Variants in DNM1 observed in about 807,000 individuals in gnomAD.
DNM1 encodes dynamin 1.
DNM1 carries 29 observed loss-of-function variants against 104.6 expected under a neutral mutation model. The observed-to-expected ratio is 0.28, with a 90% CI of 0.21 to 0.38. The LOEUF is 0.38. Among genes scored for constraint, DNM1 ranks in the 10% least tolerant of loss-of-function variants. The probability of loss-of-function intolerance (pLI) is 1.00; values close to 1 mark genes in which losing one functional copy is unlikely to be tolerated. For synonymous variants in DNM1, 445 were observed against 475.8 expected (o/e 0.94, Z 0.84); for missense variants, 640 against 1,189.4 (o/e 0.54, Z 6.79).
chr9:128,228,043 G>T (rs906758148), intron 10 of DNM1, among the ~76,000 whole-genome samples: 4 of 151,054 alleles, frequency 2.6e-5, no homozygotes, highest in Admixed American at 6.6e-5. Flanking sequence ...TTGTTTGTTT[G>T]TTTTTGGTTT....
rs1230717068 is a variant in DNM1 at position 128,248,258 on chromosome 9, A to C, written c.1905+323A>C. On this transcript the variant is annotated intron_variant, in intron 18 of 21. Coordinates refer to ENST00000372923, the MANE Select transcript of DNM1 (RefSeq NM_004408.4). This position sits in a 1 kb window ranked among gnomAD's most constrained non-coding sequence, Gnocchi z 5.6. ...AGGAGAATCGCTTGAACCCAGGAGG[A>C]GGTTGCAATGAGCCAATACAGCACC... The C allele has an allele frequency of 4.0e-6, 2 of 502,822 alleles. No individual in the cohort carries two copies. Among genetic ancestry groups the C allele is most frequent in the Non-Finnish European group, 7.2e-6 (2 of 279,014 alleles). 31.1% of individuals were successfully genotyped at this position (502,822 alleles called of 1,614,324 possible).
intron 10 of DNM1, among the ~76,000 whole-genome samples, chr9:128,227,926 A>C (rs1835442830): frequency 6.6e-6 from 1 of 151,964 alleles, no homozygotes; most frequent in African/African-American, 2.4e-5. Context: ...ATCATAGCTC[A>C]CTGTAGGCTC....
chr9:128,248,664 C>T lies in DNM1; in HGVS notation c.1987C>T (p.Arg663Trp), dbSNP rs777360250. ...PQLERQVETI[R>W]NLVDSYMAIV... is the part of the protein sequence containing the mutation. ...GCTGGAACGGCAAGTGGAGACCATC[C>T]GGAATCTTGTGGACTCATACATGGC... Residue 663 changes from arginine to tryptophan, a missense_variant, in exon 19 of 22, where the codon CGG (arginine) becomes TGG (tryptophan). Arg to Trp is a moderately radical substitution (Grantham distance 101). Around this residue, in one of 7 missense-constraint regions of DNM1, gnomAD observed 91 missense variants for 256.3 expected, o/e 0.36. Coordinates refer to ENST00000372923, the MANE Select transcript of DNM1 (RefSeq NM_004408.4). The surrounding 1 kb of genome is among the most constrained non-coding windows in gnomAD (Gnocchi z 5.6). 10 of 1,614,018 alleles carry T rather than the reference C, an allele frequency of 6.2e-6. No homozygotes were observed. The highest frequency in any genetic ancestry group is 4.5e-5 in the East Asian group (2 of 44,872).
At chr9:128,249,652 G>A (rs1254559551) in intron 19 of DNM1, among the ~76,000 whole-genome samples, 3 of 137,736 alleles carry the variant, frequency 2.2e-5, no homozygotes, top group Non-Finnish European at 4.6e-5. Flanking sequence ...GTGAAACTCC[G>A]TCTCAAAAAA....
Position 128,234,127 on chromosome 9 carries a change from G to T in DNM1, c.1422+20G>T. On this transcript the variant is annotated intron_variant, in intron 11 of 21. Transcript: ENST00000372923. ...GAGCAGGTGAGCCCCGCAGCACCCG[G>T]CCTGGCCGCGCCTTCCTTCCACTCC... 6.7e-7 allele frequency: 1 copy of T among 1,502,886 alleles called. No homozygotes were observed. The allele number at this position is 1,502,886 out of a possible 1,614,324, so 93.1% of individuals were successfully genotyped here.
At position 128,218,609 on chromosome 9, in the gene DNM1, G is replaced by C. The variant is rs200251552; in HGVS notation, c.263G>C (p.Gly88Ala). The change falls in exon 3 of 22, where the codon GGA becomes GCA. Residue 88 changes from glycine (G) to alanine (A), a missense_variant. Transcript: ENST00000372923. This position sits in a 1 kb window ranked among gnomAD's most constrained non-coding sequence, Gnocchi z 4.8. ...TATGCCGAGTTCCTGCACTGCAAGG[G>C]AAAGAAATTCACCGACTTCGAGGAG... ...TEYAEFLHCK[G>A]KKFTDFEEVR... The C allele has an allele frequency of 2.2e-5, 36 of 1,613,434 alleles. No homozygotes were observed. The East Asian group carries it at 2.9e-4, about 13-fold the overall frequency.
chr9:128,226,023 C>T lies in DNM1; in HGVS notation c.1335+1634C>T, dbSNP rs377716564. The T allele has an allele frequency of 5.8e-5, 93 of 1,611,854 alleles. No homozygotes were observed. In the African/African-American group the frequency reaches 1.0e-3, roughly 18 times the overall value. ...GCTCCTCCTCCTGTCCCCACCTCCT[C>T]CCCGGGTGCAGGACGGGCCTCTTCA... On this transcript the variant is annotated intron_variant, in intron 10 of 21. Coordinates refer to ENST00000372923, the MANE Select transcript of DNM1 (RefSeq NM_004408.4).
chr9:128,234,036 C>T lies in DNM1; in HGVS notation c.1351C>T (p.Arg451Trp), dbSNP rs1322707318. The T allele has an allele frequency of 2.5e-6, 4 of 1,572,268 alleles. No individual in the cohort carries two copies. The highest frequency in any genetic ancestry group is 2.6e-6 in the Non-Finnish European group (3 of 1,159,462). ...CCTTCCCCAGCTCCAGCAGTACCCG[C>T]GGCTACGGGAGGAGATGGAGCGCAT... ...QCTKKLQQYP[R>W]LREEMERIVT... is the part of the protein sequence containing the mutation. The change falls in exon 11 of 22, where the codon CGG (arginine) becomes TGG (tryptophan). Residue 451 changes from arginine (R) to tryptophan (W), a missense_variant. Transcript: ENST00000372923.
At position 128,220,744 on chromosome 9, in the gene DNM1, T is replaced by C. The variant is rs796369494; in HGVS notation, c.849+403T>C. Among the ~76,000 whole-genome samples, 4,076 of 86,810 alleles carry C rather than the reference T, an allele frequency of 0.047. 67 individuals are homozygous for C. The highest frequency in any genetic ancestry group is 0.074 in the Admixed American group (517 of 6,970). 57.0% of individuals were successfully genotyped at this position (86,810 alleles called of 152,430 possible). On this transcript the variant is annotated intron_variant, in intron 6 of 21. Coordinates refer to ENST00000372923, the MANE Select transcript of DNM1 (RefSeq NM_004408.4). This position sits in a 1 kb window ranked among gnomAD's most constrained non-coding sequence, Gnocchi z 5.2. ...GAACTGAAGTGCGCGCGCGCGCGCGTGTGTGTGTGTGTGTGTGTGTGTGTC... is the reference window on the plus strand; with the variant it reads ...GAACTGAAGTGCGCGCGCGCGCGCGCGTGTGTGTGTGTGTGTGTGTGTGTC...
At position 128,242,225 on chromosome 9, in the gene DNM1, C is replaced by T; in HGVS notation, c.1558-7C>T. The T allele has an allele frequency of 5.8e-6, 9 of 1,555,766 alleles. No individual in the cohort carries two copies. Among genetic ancestry groups the T allele is most frequent in the Non-Finnish European group, 8.0e-6 (9 of 1,127,144 alleles). Reference sequence around the variant, plus strand: ...GTCCACTGACCTCCTGCCCCATCACCCTCCAGGTCATCCGCAAGGGCTGGC... The same window carrying T: ...GTCCACTGACCTCCTGCCCCATCACTCTCCAGGTCATCCGCAAGGGCTGGC... On this transcript the variant is annotated splice_polypyrimidine_tract_variant and splice_region_variant and intron_variant, in intron 14 of 21. Transcript: ENST00000372923.
At position 128,243,360 on chromosome 9, in the gene DNM1, G is replaced by A. The variant is rs1341257635; in HGVS notation, c.1671+1015G>A. Among the ~76,000 whole-genome samples, 1 of 152,096 alleles carries A rather than the reference G, an allele frequency of 6.6e-6. No homozygotes were observed. The highest frequency in any genetic ancestry group is 1.5e-5 in the Non-Finnish European group (1 of 68,000). On this transcript the variant is annotated intron_variant, in intron 15 of 21. Transcript: ENST00000372923. This position sits in a 1 kb window ranked among gnomAD's most constrained non-coding sequence, Gnocchi z 4.0. Reference sequence around the variant, plus strand: ...GGGAAGGGACCCTCTTCTTCCTGAGGGGGCTGTTGGAGGCTACAGCATCCT... The same window carrying A: ...GGGAAGGGACCCTCTTCTTCCTGAGAGGGCTGTTGGAGGCTACAGCATCCT...
intron 11 of DNM1, among the ~76,000 whole-genome samples, chr9:128,236,680 G>A (rs1008671527): frequency 3.9e-5 from 6 of 151,976 alleles, no homozygotes; most frequent in African/African-American, 7.3e-5. Flanking sequence ...GCAAGACCCC[G>A]TCTCTACAAA....
intron 14 of DNM1, among the ~76,000 whole-genome samples, chr9:128,241,326 CT>C (rs1646947065): frequency 6.6e-6 from 1 of 152,158 alleles, no homozygotes; most frequent in South Asian, 2.1e-4. Flanking sequence ...GACCCTACCC[CT>C]GAAGTAGAAT....
rs780080751 is a variant in DNM1 at position 128,250,223 on chromosome 9, C to T, written c.2185C>T (p.Leu729=). The T allele has an allele frequency of 3.7e-6, 6 of 1,614,152 alleles. No homozygotes were observed. The highest frequency in any genetic ancestry group is 5.1e-6 in the Non-Finnish European group (6 of 1,180,014). The part of the protein sequence containing the change: ...AEQAQRRDEM[L]RMYHALKEAL... ...GCAGGCACAGCGGCGCGACGAGATGCTGCGCATGTACCACGCACTGAAGGA... is the reference window on the plus strand; with the variant it reads ...GCAGGCACAGCGGCGCGACGAGATGTTGCGCATGTACCACGCACTGAAGGA... Residue 729 remains leucine (L), a synonymous_variant, in exon 20 of 22, where the codon CTG becomes TTG. Coordinates refer to ENST00000372923, the MANE Select transcript of DNM1 (RefSeq NM_004408.4).
Position 128,222,920 on chromosome 9 carries a change from G to C in DNM1, c.1196+60G>C. ...CAGAAGTAGGGGGTCTGGGACAGAGGCACAGGGAGTGATGAAGTGGGCCTC... is the reference window on the plus strand; with the variant it reads ...CAGAAGTAGGGGGTCTGGGACAGAGCCACAGGGAGTGATGAAGTGGGCCTC... On this transcript the variant is annotated intron_variant, in intron 9 of 21. Coordinates refer to ENST00000372923, the MANE Select transcript of DNM1 (RefSeq NM_004408.4). This position sits in a 1 kb window ranked among gnomAD's most constrained non-coding sequence, Gnocchi z 7.8. The C allele has an allele frequency of 6.5e-7, 1 of 1,533,682 alleles. No individual in the cohort carries two copies. Among genetic ancestry groups the C allele is most frequent in the Non-Finnish European group, 9.0e-7 (1 of 1,109,954 alleles).
chr9:128,220,127 C>G lies in DNM1; in HGVS notation c.688+41C>G. On this transcript the variant is annotated intron_variant, in intron 5 of 21. Transcript: ENST00000372923. This position sits in a 1 kb window ranked among gnomAD's most constrained non-coding sequence, Gnocchi z 5.2. The stretch of plus-strand genomic sequence containing the variant: ...CCCTCAACCACTCCCCAGCCCTTCC[C>G]CACCCTTCCCCTCCTCTTGAGGCTG... The G allele has an allele frequency of 6.2e-7, 1 of 1,612,046 alleles. No individual in the cohort carries two copies. Among genetic ancestry groups the G allele is most frequent in the East Asian group, 2.2e-5 (1 of 44,822 alleles).
rs1288431282 is a variant in DNM1 at position 128,254,451 on chromosome 9, G to A, written c.2535-203G>A. 21 of 1,475,648 alleles carry A rather than the reference G, an allele frequency of 1.4e-5. No homozygotes were observed. The South Asian group carries it at 1.9e-4, about 13-fold the overall frequency. 91.4% of individuals were successfully genotyped at this position (1,475,648 alleles called of 1,614,324 possible). On this transcript the variant is annotated intron_variant, in intron 21 of 21. Coordinates refer to ENST00000372923, the MANE Select transcript of DNM1 (RefSeq NM_004408.4). The surrounding 1 kb of genome is among the most constrained non-coding windows in gnomAD (Gnocchi z 6.1). ...CCCCAGGCGCTATCTGTGAAGCTAC[G>A]GCTCCTCCCTCCATCTTCCTCCCCT... is the stretch of plus-strand genomic sequence containing the variant.
intron 10 of DNM1, among the ~76,000 whole-genome samples, chr9:128,229,652 G>A (rs907145879): frequency 2.0e-5 from 3 of 146,844 alleles, no homozygotes; most frequent in Non-Finnish European, 4.5e-5. Context: ...GCTCATGCCT[G>A]TAATCCCAGT....
chr9:128,218,169 C>G lies in DNM1; in HGVS notation c.162-62C>G. 6.6e-7 allele frequency: 1 copy of G among 1,523,880 alleles called. No individual in the cohort carries two copies. Among genetic ancestry groups the G allele is most frequent in the Non-Finnish European group, 9.1e-7 (1 of 1,097,816 alleles). The allele number at this position is 1,523,880 out of a possible 1,614,324, so 94.4% of individuals were successfully genotyped here. ...GGCTTTCCCAGGGGCCGGACAGGTA[C>G]CCCTGGGACAGAGGGCGCCCCCTCA... On this transcript the variant is annotated intron_variant, in intron 1 of 21. Coordinates refer to ENST00000372923, the MANE Select transcript of DNM1 (RefSeq NM_004408.4). The surrounding 1 kb of genome is among the most constrained non-coding windows in gnomAD (Gnocchi z 4.8).
Sources: gnomAD v4.1 joint callset for allele counts (sites outside exome capture counted in the v4.1 genomes callset) on GRCh38, gnomAD v4.1.1 for gene constraint, gnomAD v4.1.1 regional missense constraint, Gnocchi (gnomAD v3.1) non-coding constraint, MANE v1.5 for transcripts, NCBI Gene and HGNC (gene_info 2026-07-23, HGNC 2026-07-21) for gene names.